Variants in NCKAP5 observed in about 807,000 individuals in gnomAD.
NCKAP5 encodes the protein NCK associated protein 5.
Under a neutral mutation model 167.0 loss-of-function variants are expected in NCKAP5, and 92 were observed. That is an observed-to-expected ratio of 0.55 (90% CI 0.47 to 0.66). The LOEUF (loss-of-function observed/expected upper bound fraction) is 0.66. NCKAP5 is among the 30% of genes least tolerant of loss of function. The pLI is 0.00. For missense variants in NCKAP5, 2,378 were observed against 2,315.0 expected (o/e 1.03, Z -0.56); for synonymous variants, 891 against 877.4 (o/e 1.02, Z -0.27).
chr2:133,130,920 G>A (rs2082580045), intron 5 of NCKAP5, among the ~76,000 whole-genome samples: 1 of 152,096 alleles, frequency 6.6e-6, no homozygotes, highest in South Asian at 2.1e-4. Flanking sequence ...ACTACACTAA[G>A]CATTTTGTAC....
At chr2:133,648,897 T>A in the NCKAP5 span, among the ~76,000 whole-genome samples, 1 of 141,162 alleles carries the variant, frequency 7.1e-6, no homozygotes. Flanking sequence ...GTAACAAAGA[T>A]GAGAGCAAAA....
intron 3 of NCKAP5, among the ~76,000 whole-genome samples, chr2:133,315,149 T>C (rs1054706502): frequency 8.5e-5 from 13 of 152,084 alleles, no homozygotes; most frequent in African/African-American, 3.1e-4. Flanking sequence ...AAGTCTTGAA[T>C]GGATCCTTCT....
chr2:132,814,941 A>G (rs1316759549), intron 11 of NCKAP5, among the ~76,000 whole-genome samples: 1 of 152,224 alleles, frequency 6.6e-6, no homozygotes, highest in Admixed American at 6.5e-5. Flanking sequence ...AACAATGTGA[A>G]TCTGTGAAGC....
At chr2:133,203,163 G>A (rs184662727) in intron 5 of NCKAP5, among the ~76,000 whole-genome samples, 322 of 152,208 alleles carry the variant, frequency 2.1e-3, no homozygotes, top group African/African-American at 7.5e-3. Context: ...ATGATAGACT[G>A]GATTAAGAAA....
At chr2:132,989,870 G>A (rs1347054256) in intron 7 of NCKAP5, among the ~76,000 whole-genome samples, 3 of 152,148 alleles carry the variant, frequency 2.0e-5, no homozygotes, top group Non-Finnish European at 4.4e-5. Flanking sequence ...AGACCTCTAC[G>A]AGCTTTGCCA....
the NCKAP5 span, among the ~76,000 whole-genome samples, chr2:133,669,407 T>C: frequency 3.3e-5 from 5 of 152,238 alleles, no homozygotes; most frequent in South Asian, 2.1e-4. Flanking sequence ...GTACTTCTTT[T>C]CCCCCCTATC....
At chr2:132,830,705 G>A (rs16842050) in intron 11 of NCKAP5, among the ~76,000 whole-genome samples, 1 of 152,150 alleles carries the variant, frequency 6.6e-6, no homozygotes, top group African/African-American at 2.4e-5. Flanking sequence ...CCTTCTGACC[G>A]ATCACTTCCT....
chr2:133,401,133 G>A (rs116137405), intron 3 of NCKAP5, among the ~76,000 whole-genome samples: 2,656 of 152,224 alleles, frequency 0.017, 78 homozygotes, highest in African/African-American at 0.06. Context: ...AATCAATCAC[G>A]TCTATGTAAC....
intron 11 of NCKAP5, among the ~76,000 whole-genome samples, chr2:132,817,385 C>T (rs893982046): frequency 2.6e-5 from 4 of 152,138 alleles, no homozygotes; most frequent in African/African-American, 9.7e-5. Context: ...CTATCAAATG[C>T]TGGTTTATCA....
At chr2:133,436,832 C>T (rs1690516024) in intron 3 of NCKAP5, among the ~76,000 whole-genome samples, 2 of 152,096 alleles carry the variant, frequency 1.3e-5, no homozygotes, top group Admixed American at 6.5e-5. Flanking sequence ...TGCCCCGTTG[C>T]CTATGAGCCC....
chr2:133,063,041 G>A (rs2080064472), intron 6 of NCKAP5, among the ~76,000 whole-genome samples: 1 of 152,168 alleles, frequency 6.6e-6, no homozygotes. Context: ...GAAGAGGCAG[G>A]CAAAACCCAG....
intron 1 of NCKAP5, among the ~76,000 whole-genome samples, chr2:133,563,309 G>A (rs925547069): frequency 2.0e-5 from 3 of 152,246 alleles, no homozygotes; most frequent in African/African-American, 4.8e-5. Context: ...AGTGGCTCAC[G>A]CCTGTAACCC....
intron 8 of NCKAP5, chr2:132,954,719 T>C: frequency 2.2e-6 from 1 of 451,102 alleles, no homozygotes; most frequent in Non-Finnish European, 4.5e-6. Flanking sequence ...ACAAAAAGAC[T>C]AGAAATATAT....
chr2:133,360,600 A>G (rs1263898983), intron 3 of NCKAP5, among the ~76,000 whole-genome samples: 2 of 152,108 alleles, frequency 1.3e-5, no homozygotes, highest in Non-Finnish European at 2.9e-5. Context: ...GAGTCCTTTC[A>G]TTGTCTTCAT....
chr2:133,124,938 TG>T (rs1218973624), intron 6 of NCKAP5, among the ~76,000 whole-genome samples: 5 of 152,076 alleles, frequency 3.3e-5, no homozygotes, highest in African/African-American at 1.2e-4. Flanking sequence ...CCCAGCTACT[TG>T]GGAGGCTGAG....
At chr2:133,063,874 G>C (rs1383347240) in intron 6 of NCKAP5, among the ~76,000 whole-genome samples, 1 of 152,162 alleles carries the variant, frequency 6.6e-6, no homozygotes, top group African/African-American at 2.4e-5. Flanking sequence ...TGTAACATTT[G>C]AGAGCTAGGA....
intron 3 of NCKAP5, among the ~76,000 whole-genome samples, chr2:133,409,586 T>C (rs936641619): frequency 4.1e-5 from 6 of 147,000 alleles, no homozygotes; most frequent in African/African-American, 7.6e-5. Context: ...GACCTTGTCA[T>C]GGAGAAGTTT....
intron 19 of NCKAP5, among the ~76,000 whole-genome samples, chr2:132,706,463 C>CTTAA (rs1688371566): frequency 6.6e-6 from 1 of 152,180 alleles, no homozygotes; most frequent in Non-Finnish European, 1.5e-5. Context: ...TGTATAAAGT[C>CTTAA]TTAATTCTTC....
chr2:133,109,038 A>T (rs2081817439), intron 6 of NCKAP5, among the ~76,000 whole-genome samples: 2 of 152,218 alleles, frequency 1.3e-5, no homozygotes, highest in Non-Finnish European at 2.9e-5. Context: ...ACATCTTGTT[A>T]AGGACTAACC....
Sources: allele counts gnomAD v4.1 joint callset (sites outside exome capture counted in the v4.1 genomes callset), GRCh38; gene constraint gnomAD v4.1.1; transcripts MANE v1.5; gene names NCBI Gene and HGNC (gene_info 2026-07-23, HGNC 2026-07-21).